ATR: variants seen among roughly 807,000 people sequenced by gnomAD.
ATR encodes the protein ATR checkpoint kinase.
A neutral mutation model predicts 305.3 loss-of-function variants in ATR; 142 were observed. The ratio of observed to expected loss-of-function variants is 0.47; its 90% CI spans 0.41 to 0.53. The LOEUF is 0.53. ATR is among the 20% of genes least tolerant of loss of function. The probability of loss-of-function intolerance (pLI) is 0.00; values close to 1 mark genes in which losing one functional copy is unlikely to be tolerated. For synonymous variants in ATR, 1,050 were observed against 1,068.1 expected (o/e 0.98, Z 0.33); for missense variants, 2,135 against 3,133.1 (o/e 0.68, Z 7.60).
In ATR at chr3:142,558,678, T is replaced by A. The variant is rs752930353; in HGVS notation, c.1831A>T (p.Thr611Ser). 6.2e-7 allele frequency: 1 copy of A among 1,613,488 alleles called. No homozygotes were observed. Among genetic ancestry groups the A allele is most frequent in the East Asian group, 2.2e-5 (1 of 44,762 alleles). ...SHSDDGCLKLTTFAANLLTLS... is the reference protein window; with the variant it reads ...SHSDDGCLKLSTFAANLLTLS... The stretch of plus-strand genomic sequence containing the variant: ...GTTAGAAGATTAGCGGCAAATGTGG[T>A]CAACTTTAAACAGCCATCATCAGAA... Residue 611 changes from threonine to serine, a missense_variant, in exon 8 of 47, where the codon ACC becomes TCC. By Grantham distance (58) the Thr-to-Ser change is moderately conservative (BLOSUM62 1). Coordinates refer to ENST00000350721, the MANE Select transcript of ATR (RefSeq NM_001184.4).
At chr3:142,480,428 G>C (rs1442429105) in intron 36 of ATR, among the ~76,000 whole-genome samples, 5 of 152,250 alleles carry the variant, frequency 3.3e-5, no homozygotes, top group Non-Finnish European at 7.3e-5. Context: ...AAATGTTGCT[G>C]TCTGATTGTT....
intron 29 of ATR, 85 bp downstream of exon 29, chr3:142,505,051 AAAC>A (rs2032167419): frequency 6.6e-7 from 1 of 1,525,756 alleles, no homozygotes; most frequent in African/African-American, 1.4e-5. Flanking sequence ...CTCAAAAACA[AAAC>A]AAAACAAAAC....
At position 142,549,489 on chromosome 3, in the gene ATR, T is replaced by G; in HGVS notation, c.3161A>C (p.His1054Pro). ...CSKDELERAL[H>P]YLKNETEIEL... Reference sequence around the variant, plus strand: ...GAAATATTCAATTACCTTCAGATAATGAAGGGCACGTTCTAATTCATCTTT... The same window carrying G: ...GAAATATTCAATTACCTTCAGATAAGGAAGGGCACGTTCTAATTCATCTTT... Residue 1054 changes from histidine to proline, a missense_variant, in exon 15 of 47, where the codon CAT (histidine) becomes CCT (proline). Coordinates refer to ENST00000350721, the MANE Select transcript of ATR (RefSeq NM_001184.4). The G allele has an allele frequency of 6.3e-7, 1 of 1,589,176 alleles. No homozygotes were observed. The highest frequency in any genetic ancestry group is 8.6e-7 in the Non-Finnish European group (1 of 1,168,188).
chr3:142,465,295 C>A (rs2108271689), intron 40 of ATR, 55 bp from the exon 41 acceptor site: 5 of 1,371,480 alleles, frequency 3.6e-6, no homozygotes, highest in African/African-American at 1.5e-5. Context: ...GTGTAAATGT[C>A]TATATATTAT....
At chr3:142,549,429 A>T in intron 15 of ATR, 50 bp downstream of exon 15, 1 of 1,264,494 alleles carries the variant, frequency 7.9e-7, no homozygotes, top group South Asian at 1.6e-5. Context: ...CATCTTTCCT[A>T]TAATGCTAAT....
chr3:142,535,268 G>A (rs1241213222), intron 20 of ATR, 63 bp from the exon 21 acceptor site: 2 of 1,593,704 alleles, frequency 1.3e-6, no homozygotes, highest in East Asian at 2.2e-5. Flanking sequence ...CATTTCCAAA[G>A]GCCTGAATTC....
intron 20 of ATR, among the ~76,000 whole-genome samples, chr3:142,535,600 T>G (rs1045167967): frequency 6.6e-6 from 1 of 152,178 alleles, no homozygotes; most frequent in African/African-American, 2.4e-5. Context: ...GTGTCCCACT[T>G]TCTACCCAGA....
intron 21 of ATR, among the ~76,000 whole-genome samples, chr3:142,534,171 A>C (rs1322448351): frequency 5.3e-5 from 8 of 152,128 alleles, no homozygotes; most frequent in Admixed American, 3.3e-4. Context: ...GTATGGGGCT[A>C]GGGGCAAGCA....
intron 1 of ATR, among the ~76,000 whole-genome samples, chr3:142,569,996 G>A (rs993884599): frequency 4.6e-5 from 7 of 152,120 alleles, no homozygotes; most frequent in Admixed American, 3.3e-4. Context: ...ACAGTATCCT[G>A]TGGTTTTGAT....
chr3:142,500,622 T>C (rs1468760475), intron 30 of ATR, among the ~76,000 whole-genome samples: 1 of 152,172 alleles, frequency 6.6e-6, no homozygotes, highest in African/African-American at 2.4e-5. Context: ...CTCTTTTTAT[T>C]GTAGTAAAAA....
chr3:142,545,354 CAGG>C (rs1009329517), intron 16 of ATR, among the ~76,000 whole-genome samples: 1 of 150,086 alleles, frequency 6.7e-6, no homozygotes, highest in African/African-American at 2.5e-5. Context: ...GAGAAAGATC[CAGG>C]AGATTATTCC....
At chr3:142,535,231 A>G in intron 20 of ATR, 26 bp from the exon 21 acceptor site, 4 of 1,612,024 alleles carry the variant, frequency 2.5e-6, no homozygotes, top group Non-Finnish European at 3.4e-6. Flanking sequence ...AGAGAGACAG[A>G]ACTTATTAAT....
At chr3:142,469,272 C>A in intron 38 of ATR, 65 bp downstream of exon 38, 1 of 1,337,538 alleles carries the variant, frequency 7.5e-7, no homozygotes, top group Admixed American at 1.8e-5. Flanking sequence ...ATTAGTATTA[C>A]ATAATCAAGT....
At chr3:142,530,818 G>A (rs1041803847) in intron 21 of ATR, among the ~76,000 whole-genome samples, 20 of 152,138 alleles carry the variant, frequency 1.3e-4, no homozygotes, top group Middle Eastern at 3.4e-3. Context: ...GACTACAAAC[G>A]TTGGGCATAC....
chr3:142,573,515 AAAAG>A (rs201458297), intron 1 of ATR, among the ~76,000 whole-genome samples: 5,660 of 151,222 alleles, frequency 0.037, 380 homozygotes, highest in African/African-American at 0.13. Flanking sequence ...TTAAAAAAAA[AAAAG>A]AATCAAAGAA....
chr3:142,573,768 T>C (rs2035350765), intron 1 of ATR, among the ~76,000 whole-genome samples: 1 of 152,222 alleles, frequency 6.6e-6, no homozygotes, highest in Non-Finnish European at 1.5e-5. Context: ...TTTCTGGTAC[T>C]AAGTCTTTGA....
At chr3:142,485,533 TAGG>T (rs2030860092) in intron 35 of ATR, among the ~76,000 whole-genome samples, 1 of 152,192 alleles carries the variant, frequency 6.6e-6, no homozygotes, top group Non-Finnish European at 1.5e-5. Flanking sequence ...ATTCGCAACT[TAGG>T]AGAAAACTCC....
chr3:142,487,647 T>G (rs2031025818), intron 35 of ATR, among the ~76,000 whole-genome samples: 1 of 152,228 alleles, frequency 6.6e-6, no homozygotes, highest in Non-Finnish European at 1.5e-5. Context: ...ATTCTTGTGT[T>G]TATCCTCTGG....
intron 14 of ATR, among the ~76,000 whole-genome samples, chr3:142,549,912 A>G (rs1312452491): frequency 1.3e-5 from 2 of 152,220 alleles, no homozygotes; most frequent in African/African-American, 2.4e-5. Context: ...AAATCATAGC[A>G]CCAAAGACAT....
Sources: gnomAD v4.1 joint callset for allele counts (sites outside exome capture counted in the v4.1 genomes callset) on GRCh38, gnomAD v4.1.1 for gene constraint, MANE v1.5 for transcripts, NCBI Gene and HGNC (gene_info 2026-07-23, HGNC 2026-07-21) for gene names.